Variants in PLCL2 observed in about 807,000 individuals in gnomAD.
The protein encoded by PLCL2 is phospholipase C like 2, also known as inactive phospholipase C-like protein 2.
Under a neutral mutation model 79.6 loss-of-function variants are expected in PLCL2, and 4 were observed. That is an observed-to-expected ratio of 0.05 (90% CI 0.02 to 0.11). The LOEUF (loss-of-function observed/expected upper bound fraction) is 0.11. PLCL2 is among the 10% of genes least tolerant of loss of function. The pLI, the probability that PLCL2 is intolerant of heterozygous loss-of-function variation, is 1.00. For missense variants in PLCL2, 895 were observed against 1,291.0 expected (o/e 0.69, Z 4.70); for synonymous variants, 484 against 457.7 (o/e 1.06, Z -0.73).
At chr3:16,961,285 A>G (rs2124969273) in intron 1 of PLCL2, among the ~76,000 whole-genome samples, 1 of 152,298 alleles carries the variant, frequency 6.6e-6, no homozygotes, top group East Asian at 1.9e-4. Flanking sequence ...ATTTCCATAT[A>G]TTCTATTCAC....
intron 1 of PLCL2, among the ~76,000 whole-genome samples, chr3:16,998,703 A>G (rs2064178200): frequency 6.6e-6 from 1 of 152,206 alleles, no homozygotes; most frequent in Non-Finnish European, 1.5e-5. Context: ...TTCAGGAAAC[A>G]TTTTGGTAGT....
chr3:16,932,206 T>C (rs1412704890), intron 1 of PLCL2, among the ~76,000 whole-genome samples: 2 of 152,204 alleles, frequency 1.3e-5, no homozygotes, highest in African/African-American at 2.4e-5. Context: ...TATATGTATT[T>C]CTTAGGCCTG....
chr3:16,984,558 A>G lies in PLCL2; in HGVS notation c.328-25116A>G, dbSNP rs1006919695. ...AAATTAGAAAATGAGCTGATGATAA[A>G]TCATAATTGACATGGAAAGTCAGAA... is the stretch of plus-strand genomic sequence containing the variant. On this transcript the variant is annotated intron_variant, in intron 1 of 5. Transcript: ENST00000615277. 5.9e-5 allele frequency among the ~76,000 whole-genome samples: 9 copies of G among 152,278 alleles called. No individual in the cohort carries two copies. In the South Asian group the frequency reaches 1.0e-3, roughly 18 times the overall value.
chr3:16,894,810 T>A (rs565800940), intron 1 of PLCL2, among the ~76,000 whole-genome samples: 43 of 151,870 alleles, frequency 2.8e-4, no homozygotes, highest in African/African-American at 2.2e-4. Context: ...GTTTTTATTT[T>A]NAAAAAAATG....
In PLCL2 at chr3:17,011,645, C is replaced by A. The variant is rs1465863432; in HGVS notation, c.2299C>A (p.Pro767Thr). ...TAAAATCATCAGTGGGCAGAACTTT[C>A]CCAAGCCCAAAGGATCAGGTGCCAA... The part of the protein sequence containing the change: ...HIKIISGQNF[P>T]KPKGSGAKGD... Residue 767 changes from proline to threonine, a missense_variant, in exon 2 of 6, where the codon CCC (proline) becomes ACC (threonine). By Grantham distance (38) the Pro-to-Thr change is conservative. This residue lies in a region of PLCL2 where 298 missense variants were observed against 459.6 expected (regional missense o/e 0.65). Coordinates refer to ENST00000615277, the MANE Select transcript of PLCL2 (RefSeq NM_001144382.2). This position sits in a 1 kb window ranked among gnomAD's most constrained non-coding sequence, Gnocchi z 7.9. The A allele has an allele frequency of 6.2e-7, 1 of 1,614,134 alleles. No homozygotes were observed.
chr3:16,951,006 C>G (rs944014032), intron 1 of PLCL2, among the ~76,000 whole-genome samples: 2 of 152,038 alleles, frequency 1.3e-5, no homozygotes, highest in Non-Finnish European at 2.9e-5. Context: ...CTATGATCAA[C>G]CAGACAATAC....
intron 3 of PLCL2, among the ~76,000 whole-genome samples, chr3:17,024,287 C>T (rs2064490040): frequency 6.6e-6 from 1 of 152,062 alleles, no homozygotes; most frequent in South Asian, 2.1e-4. Context: ...TGAGTTAAGC[C>T]TAATAATTGC....
intron 3 of PLCL2, among the ~76,000 whole-genome samples, chr3:17,032,670 G>A (rs772669080): frequency 6.6e-6 from 1 of 152,134 alleles, no homozygotes; most frequent in Non-Finnish European, 1.5e-5. Context: ...GGTCCATGCA[G>A]TGCGCATTGG....
chr3:17,019,797 T>TTAAA (rs138348796), intron 3 of PLCL2, among the ~76,000 whole-genome samples: 4,370 of 152,268 alleles, frequency 0.029, 231 homozygotes, highest in African/African-American at 0.1. Context: ...AAACAAAAGT[T>TTAAA]TATTTTACTT....
At chr3:17,026,915 A>C (rs7426891) in intron 3 of PLCL2, among the ~76,000 whole-genome samples, 1 of 152,122 alleles carries the variant, frequency 6.6e-6, no homozygotes, top group African/African-American at 2.4e-5. Flanking sequence ...AGAAAAAAAA[A>C]CAAAACAAAA....
chr3:16,929,662 A>C (rs1050792521), intron 1 of PLCL2, among the ~76,000 whole-genome samples: 1 of 152,136 alleles, frequency 6.6e-6, no homozygotes, highest in Non-Finnish European at 1.5e-5. Flanking sequence ...CCTCTTTCCC[A>C]GTCTCCTGTA....
At chr3:16,898,696 C>G (rs907653201) in intron 1 of PLCL2, among the ~76,000 whole-genome samples, 7 of 152,162 alleles carry the variant, frequency 4.6e-5, no homozygotes, top group African/African-American at 1.7e-4. Context: ...TTAGAAGATA[C>G]CACCAAAATA....
At chr3:16,986,187 C>A (rs1483841580) in intron 1 of PLCL2, among the ~76,000 whole-genome samples, 1 of 152,046 alleles carries the variant, frequency 6.6e-6, no homozygotes, top group Non-Finnish European at 1.5e-5. Context: ...TCGTTGTGGA[C>A]AACTTTCTTA....
At chr3:16,928,239 C>T (rs1575533700) in intron 1 of PLCL2, among the ~76,000 whole-genome samples, 1 of 152,192 alleles carries the variant, frequency 6.6e-6, no homozygotes, top group Non-Finnish European at 1.5e-5. Flanking sequence ...CTCCAAGAGG[C>T]TGAGAGAGCA....
Position 17,001,909 on chromosome 3 carries a change from A to G in PLCL2, c.328-7765A>G, listed in dbSNP as rs185394313. 3.6e-4 allele frequency among the ~76,000 whole-genome samples: 54 copies of G among 151,826 alleles called. No individual in the cohort carries two copies. The East Asian group carries it at 8.7e-3, about 24-fold the overall frequency. ...TCTGTGCAGAATGTCATTGATAAGT[A>G]TTGCATTAAATTGATAGATCATTTT... On this transcript the variant is annotated intron_variant, in intron 1 of 5. Coordinates refer to ENST00000615277, the MANE Select transcript of PLCL2 (RefSeq NM_001144382.2).
rs2064323626 is a variant in PLCL2 at position 17,011,630 on chromosome 3, A to G, written c.2284A>G (p.Ser762Gly). The G allele has an allele frequency of 6.2e-7, 1 of 1,614,026 alleles. No homozygotes were observed. Among genetic ancestry groups the G allele is most frequent in the Admixed American group, 1.7e-5 (1 of 59,992 alleles). Residue 762 changes from serine to glycine, a missense_variant, in exon 2 of 6, where the codon AGT becomes GGT. This residue lies in a region of PLCL2 where 298 missense variants were observed against 459.6 expected (regional missense o/e 0.65). Transcript: ENST00000615277. The surrounding 1 kb of genome is among the most constrained non-coding windows in gnomAD (Gnocchi z 7.9). ...SPQLLHIKII[S>G]GQNFPKPKGS... ...TCAACTTCTTCACATTAAAATCATC[A>G]GTGGGCAGAACTTTCCCAAGCCCAA...
chr3:16,970,209 C>A (rs2063846175), intron 1 of PLCL2, among the ~76,000 whole-genome samples: 1 of 151,744 alleles, frequency 6.6e-6, no homozygotes. Context: ...TATCTCTCCC[C>A]CCTCCCCCCA....
intron 5 of PLCL2, among the ~76,000 whole-genome samples, chr3:17,082,187 C>T (rs6778725): frequency 6.9e-6 from 1 of 145,128 alleles, no homozygotes; most frequent in Non-Finnish European, 1.5e-5. Context: ...CTTGTTGCCC[C>T]GGCTGGAGTG....
chr3:16,934,020 T>C (rs1033214527), intron 1 of PLCL2, among the ~76,000 whole-genome samples: 10 of 152,070 alleles, frequency 6.6e-5, no homozygotes, highest in African/African-American at 2.2e-4. Flanking sequence ...TGAGCCCAGA[T>C]TGCACCACTG....
Sources: allele counts gnomAD v4.1 joint callset (sites outside exome capture counted in the v4.1 genomes callset), GRCh38; gene constraint gnomAD v4.1.1; regional missense constraint gnomAD v4.1.1; non-coding constraint Gnocchi (gnomAD v3.1); transcripts MANE v1.5; gene names NCBI Gene and HGNC (gene_info 2026-07-23, HGNC 2026-07-21).